The following SNX31 variants were observed in gnomAD, a reference collection of about 807,000 sequenced individuals.
SNX31 encodes the protein sorting nexin 31.
SNX31 carries 58 observed loss-of-function variants against 65.4 expected under a neutral mutation model. The ratio of observed to expected loss-of-function variants is 0.89; its 90% confidence interval spans 0.72 to 1.10. SNX31 has a LOEUF of 1.10. Ranked by LOEUF, SNX31 falls within the 50% of genes least tolerant of loss-of-function variation. The pLI, the probability that SNX31 is intolerant of heterozygous loss-of-function variation, is 0.00. For synonymous variants in SNX31, 181 were observed against 190.1 expected, an observed-to-expected ratio of 0.95 and a Z score of 0.39; for missense variants, 523 against 529.7, an observed-to-expected ratio of 0.99 and a Z score of 0.12.
chr8:100,613,526 C>T lies in SNX31; in HGVS notation c.433-441G>A, dbSNP rs1004189702. Among the ~76,000 whole-genome samples, 1 of 152,184 alleles carries T rather than the reference C, an allele frequency of 6.6e-6. No individual in the cohort carries two copies. The highest frequency in any genetic ancestry group is 1.5e-5 in the Non-Finnish European group (1 of 68,024). On this transcript the variant is annotated intron_variant, in intron 5 of 13. Transcript: ENST00000311812. This position sits in a 1 kb window ranked among gnomAD's most constrained non-coding sequence, Gnocchi z 5.2. ...TATTTGGAAAAGGATCACTCCCCGC[C>T]GCTTGGCTGGCATACAAACGTGCAT...
chr8:100,607,891 C>T (rs1282523066), intron 8 of SNX31, among the ~76,000 whole-genome samples: 1 of 152,232 alleles, frequency 6.6e-6, no homozygotes, highest in African/African-American at 2.4e-5. Flanking sequence ...CATGGGTTCT[C>T]TGAGCCCAGA....
rs772914022 is a variant in SNX31, at chr8:100,609,145, T to C, written c.612-582A>G. The stretch of plus-strand genomic sequence containing the variant: ...GGCCCTTCCGGGGACCACCCCCACT[T>C]TCATTTCCAGTTCCATCTCTCACCA... On this transcript the variant is annotated intron_variant, in intron 7 of 13. Transcript: ENST00000311812. The surrounding 1 kb of genome is among the most constrained non-coding windows in gnomAD (Gnocchi z 4.9). Among the ~76,000 whole-genome samples the C allele has an allele frequency of 6.6e-6, 1 of 152,118 alleles. No individual in the cohort carries two copies. Among genetic ancestry groups the C allele is most frequent in the African/African-American group, 2.4e-5 (1 of 41,428 alleles).
chr8:100,598,587 AG>A (rs1210051681), intron 9 of SNX31, among the ~76,000 whole-genome samples: 1 of 151,640 alleles, frequency 6.6e-6, no homozygotes, highest in Non-Finnish European at 1.5e-5. Context: ...ATTCGATAAA[AG>A]GGTGTTGTGA....
At position 100,626,507 on chromosome 8, in the gene SNX31, C is replaced by T. The variant is rs961268984; in HGVS notation, c.321+3820G>A. ...TTGCTGCTAGACAGTCTGATTAGGC[C>T]TTAGGGTAGCATGTTCATAAGAAAG... On this transcript the variant is annotated intron_variant, in intron 4 of 13. Transcript: ENST00000311812. This position sits in a 1 kb window ranked among gnomAD's most constrained non-coding sequence, Gnocchi z 4.4. Among the ~76,000 whole-genome samples the T allele has an allele frequency of 6.6e-5, 10 of 152,074 alleles. No homozygotes were observed. Among genetic ancestry groups the T allele is most frequent in the South Asian group, 2.1e-4 (1 of 4,816 alleles).
intron 10 of SNX31, among the ~76,000 whole-genome samples, chr8:100,590,746 C>T (rs890861197): frequency 6.6e-6 from 1 of 152,278 alleles, no homozygotes; most frequent in Middle Eastern, 3.4e-3. Context: ...TGCGCCACTG[C>T]ACTCCAGCCT....
At chr8:100,644,817 A>C (rs1819516338) in intron 2 of SNX31, among the ~76,000 whole-genome samples, 2 of 150,450 alleles carry the variant, frequency 1.3e-5, no homozygotes, top group African/African-American at 5.0e-5. Flanking sequence ...GGCACATGCC[A>C]CCACACCTGG....
chr8:100,641,595 T>TATATATAC lies in SNX31; in HGVS notation c.142-5585_142-5584insGTATATAT, dbSNP rs1241411821. On this transcript the variant is annotated intron_variant, in intron 2 of 13. Coordinates refer to ENST00000311812, the MANE Select transcript of SNX31 (RefSeq NM_152628.4). The stretch of plus-strand genomic sequence containing the variant: ...ATATATATATATATATATATATATA[T>TATATATAC]ACACATACACACACACACGCACACA... Among the ~76,000 whole-genome samples, 48 of 22,082 alleles carry TATATATAC rather than the reference T, an allele frequency of 2.2e-3. 1 individual carries two copies. The highest frequency in any genetic ancestry group is 2.8e-3 in the Non-Finnish European group (43 of 15,092). 14.5% of individuals were successfully genotyped at this position (22,082 alleles called of 152,430 possible).
chr8:100,623,546 A>C (rs1817846014), intron 4 of SNX31, among the ~76,000 whole-genome samples: 1 of 152,076 alleles, frequency 6.6e-6, no homozygotes, highest in South Asian at 2.1e-4. Flanking sequence ...CCTATTAGTC[A>C]CAGAGAAAAC....
chr8:100,647,353 A>G (rs117995343), intron 2 of SNX31, among the ~76,000 whole-genome samples: 10,059 of 152,312 alleles, frequency 0.066, 456 homozygotes, highest in Non-Finnish European at 0.095. Context: ...TAAAGGCCCC[A>G]ATAGTAAATA....
At chr8:100,583,761 C>T (rs189735314) in intron 12 of SNX31, among the ~76,000 whole-genome samples, 23 of 152,152 alleles carry the variant, frequency 1.5e-4, no homozygotes, top group African/African-American at 5.5e-4. Flanking sequence ...TGTTAAAGAC[C>T]CCCTCAAGAC....
intron 8 of SNX31, among the ~76,000 whole-genome samples, chr8:100,607,430 C>A (rs1259866021): frequency 1.3e-5 from 2 of 152,240 alleles, no homozygotes; most frequent in East Asian, 3.9e-4. Context: ...GGAACTGAGG[C>A]CAAGCTCGAA....
upstream of SNX31, among the ~76,000 whole-genome samples, chr8:100,654,426 G>T (rs564986064): frequency 6.6e-6 from 1 of 152,336 alleles, no homozygotes; most frequent in South Asian, 2.1e-4. Context: ...AATCCAGGCT[G>T]CCTGGAAAGT....
chr8:100,636,091 G>T, intron 2 of SNX31, 80 bp from the exon 3 acceptor site: 1 of 956,332 alleles, frequency 1.0e-6, no homozygotes, highest in Non-Finnish European at 1.7e-6. Flanking sequence ...CTCCTTTAGG[G>T]CAAGTCCCAT....
At chr8:100,657,866 A>G (rs1286157149) in intron 1 of SNX31, 6 of 384,114 alleles carry the variant, frequency 1.6e-5, no homozygotes, top group Non-Finnish European at 3.1e-5. Flanking sequence ...GGTAGACTCC[A>G]TCTCAAAAGA....
chr8:100,652,877 C>G (rs2131311374), upstream of SNX31, among the ~76,000 whole-genome samples: 1 of 152,236 alleles, frequency 6.6e-6, no homozygotes, highest in Non-Finnish European at 1.5e-5. Flanking sequence ...ATTATGGGTT[C>G]CTTTGCTGCA....
intron 10 of SNX31, among the ~76,000 whole-genome samples, chr8:100,593,726 T>A (rs1472327092): frequency 3.9e-5 from 6 of 151,960 alleles, no homozygotes; most frequent in Non-Finnish European, 7.4e-5. Flanking sequence ...AGTGCTGGGA[T>A]TATAGGCATG....
At position 100,613,926 on chromosome 8, in the gene SNX31, G is replaced by A. The variant is rs1482810711; in HGVS notation, c.433-841C>T. 6.6e-6 allele frequency among the ~76,000 whole-genome samples: 1 copy of A among 151,932 alleles called. No homozygotes were observed. Among genetic ancestry groups the A allele is most frequent in the Non-Finnish European group, 1.5e-5 (1 of 67,992 alleles). On this transcript the variant is annotated intron_variant, in intron 5 of 13. Coordinates refer to ENST00000311812, the MANE Select transcript of SNX31 (RefSeq NM_152628.4). The surrounding 1 kb of genome is among the most constrained non-coding windows in gnomAD (Gnocchi z 5.2). ...ACTCACTAAATCACCTCTGTACCACGCAAGGAGAGGCCTCCAAGCACTGCC... is the reference window on the plus strand; with the variant it reads ...ACTCACTAAATCACCTCTGTACCACACAAGGAGAGGCCTCCAAGCACTGCC...
intron 1 of SNX31, among the ~76,000 whole-genome samples, chr8:100,662,987 A>T (rs74876449): frequency 0.099 from 15,135 of 152,254 alleles, 950 homozygotes; most frequent in South Asian, 0.18. Context: ...ATGTAGCTGG[A>T]AGCCGTTATC....
chr8:100,638,542 T>C (rs1339295371), intron 2 of SNX31, among the ~76,000 whole-genome samples: 1 of 152,238 alleles, frequency 6.6e-6, no homozygotes, highest in Non-Finnish European at 1.5e-5. Flanking sequence ...ATTTTTTTGG[T>C]GGTTGGTTGT....
Sources: gnomAD v4.1 joint callset for allele counts (sites outside exome capture counted in the v4.1 genomes callset) on GRCh38, gnomAD v4.1.1 for gene constraint, Gnocchi (gnomAD v3.1) non-coding constraint, MANE v1.5 for transcripts, NCBI Gene and HGNC (gene_info 2026-07-23, HGNC 2026-07-21) for gene names.